The following GABBR2 variants were observed in gnomAD, a reference collection of about 807,000 sequenced individuals.
The protein encoded by GABBR2 is gamma-aminobutyric acid type B receptor subunit 2.
GABBR2 carries 23 observed loss-of-function variants against 105.6 expected under a neutral mutation model. The ratio of observed to expected loss-of-function variants is 0.22; its 90% CI spans 0.16 to 0.31. The LOEUF (loss-of-function observed/expected upper bound fraction) is 0.31. GABBR2 is among the 10% of genes least tolerant of loss of function. The pLI is 1.00. For missense variants in GABBR2, 734 were observed against 1,245.5 expected, an observed-to-expected ratio of 0.59 and a Z score of 6.18; for synonymous variants, 478 against 499.7, an observed-to-expected ratio of 0.96 and a Z score of 0.58.
chr9:98,479,598 C>G (rs940807113), intron 5 of GABBR2, among the ~76,000 whole-genome samples: 2 of 152,248 alleles, frequency 1.3e-5, no homozygotes, highest in Admixed American at 1.3e-4. Flanking sequence ...AATAACCACA[C>G]GTGACCACGG....
chr9:98,398,347 A>G (rs1832331751), intron 8 of GABBR2, among the ~76,000 whole-genome samples: 1 of 151,048 alleles, frequency 6.6e-6, no homozygotes. Flanking sequence ...TCAGGCATAG[A>G]AAAGAGCTCT....
chr9:98,415,475 G>A (rs1468292557), intron 7 of GABBR2, among the ~76,000 whole-genome samples: 1 of 152,180 alleles, frequency 6.6e-6, no homozygotes, highest in African/African-American at 2.4e-5. Context: ...AACAAAGAGA[G>A]CAATGAACAA....
chr9:98,418,731 G>A lies in GABBR2; in HGVS notation c.1237-12590C>T, dbSNP rs73655444. On this transcript the variant is annotated intron_variant, in intron 7 of 18. Transcript: ENST00000259455. ...TCTGGTTTGGGCAGACAGATGGAGG[G>A]TGATGCCTACAGAGTTGGCAGAGGA... is the stretch of plus-strand genomic sequence containing the variant. Among the ~76,000 whole-genome samples, 1,132 of 152,320 alleles carry A rather than the reference G, an allele frequency of 7.4e-3. 14 individuals carry two copies. Among genetic ancestry groups the A allele is most frequent in the African/African-American group, 0.026 (1,073 of 41,556 alleles).
In GABBR2 at chr9:98,708,674, G is replaced by T. The variant is rs2131893180; in HGVS notation, c.64C>A (p.Arg22Ser). 1.7e-6 allele frequency: 2 copies of T among 1,150,654 alleles called. No individual in the cohort carries two copies. Among genetic ancestry groups the T allele is most frequent in the Non-Finnish European group, 2.1e-6 (2 of 936,380 alleles). The allele number at this position is 1,150,654 out of a possible 1,614,324, so 71.3% of individuals were successfully genotyped here. The change falls in exon 1 of 19, where the codon CGC becomes AGC. Residue 22 changes from arginine (R) to serine (S), a missense_variant. Physicochemically the swap from Arg to Ser is moderately radical, Grantham distance 110 (BLOSUM62 -1). This residue lies in a region of GABBR2 where 70 missense variants were observed against 73.4 expected (regional missense o/e 0.95). Transcript: ENST00000259455. ...PPPPPPPPPA[R>S]LLLLLLLPLL... ...GGCAGCAGCAGTAGCAGTAGCAGGC[G>T]CGCGGGCGGCGGTGGCGGCGGCGGC...
At chr9:98,575,723 C>G (rs1343888194) in intron 2 of GABBR2, among the ~76,000 whole-genome samples, 1 of 152,204 alleles carries the variant, frequency 6.6e-6, no homozygotes, top group Non-Finnish European at 1.5e-5. Context: ...CCACGGCACA[C>G]TGAGCCATGC....
chr9:98,450,130 T>A (rs1185375012), intron 7 of GABBR2, among the ~76,000 whole-genome samples: 1 of 152,230 alleles, frequency 6.6e-6, no homozygotes, highest in East Asian at 1.9e-4. Context: ...TTAAACGATT[T>A]CCCATATAGT....
chr9:98,489,924 C>A (rs566528160), intron 4 of GABBR2, among the ~76,000 whole-genome samples: 5 of 152,330 alleles, frequency 3.3e-5, no homozygotes, highest in Admixed American at 2.0e-4. Context: ...AAAACACCAT[C>A]TCTACTAAAA....
chr9:98,311,313 CTG>C, intron 13 of GABBR2, 108 bp from the exon 14 acceptor site: 1 of 679,326 alleles, frequency 1.5e-6, no homozygotes, highest in Non-Finnish European at 2.6e-6. Context: ...GCCAATGCCA[CTG>C]TTCAGCAGGC....
At chr9:98,697,210 C>T (rs1389066282) in intron 1 of GABBR2, among the ~76,000 whole-genome samples, 3 of 151,922 alleles carry the variant, frequency 2.0e-5, no homozygotes. Flanking sequence ...GAGCAAGGAC[C>T]GCCGGGCGCG....
chr9:98,369,990 C>G (rs1831749935), intron 12 of GABBR2, among the ~76,000 whole-genome samples: 1 of 152,150 alleles, frequency 6.6e-6, no homozygotes, highest in African/African-American at 2.4e-5. Context: ...GTCTTTGCAG[C>G]CTGGGGGACC....
intron 13 of GABBR2, among the ~76,000 whole-genome samples, chr9:98,332,069 T>C (rs1219081079): frequency 6.6e-6 from 1 of 152,094 alleles, no homozygotes; most frequent in Non-Finnish European, 1.5e-5. Context: ...CAGCATGGGG[T>C]ATGAAGGAGC....
chr9:98,300,315 C>T (rs189437770), intron 16 of GABBR2, among the ~76,000 whole-genome samples: 3 of 151,884 alleles, frequency 2.0e-5, no homozygotes, highest in East Asian at 1.9e-4. Context: ...GTCATCCCCA[C>T]GTTTTTATTT....
intron 11 of GABBR2, among the ~76,000 whole-genome samples, chr9:98,376,839 G>A (rs758052891): frequency 6.6e-6 from 1 of 152,154 alleles, no homozygotes; most frequent in Non-Finnish European, 1.5e-5. Flanking sequence ...TTTGGAACCC[G>A]AGTCAGGGCC....
rs539837952 is a variant in GABBR2 at position 98,708,401 on chromosome 9, G to T, written c.321+16C>A. 51 of 1,381,342 alleles carry T rather than the reference G, an allele frequency of 3.7e-5. No homozygotes were observed. Among genetic ancestry groups the T allele is most frequent in the Admixed American group, 4.8e-5 (2 of 41,318 alleles). 85.6% of individuals were successfully genotyped at this position (1,381,342 alleles called of 1,614,324 possible). ...GCCCCCCGAAGCCCCGACGGCAGGG[G>T]CAGCCGGACACTCACCTCCGTGTCA... On this transcript the variant is annotated intron_variant, in intron 1 of 18. Transcript: ENST00000259455.
At chr9:98,436,389 A>AC (rs1825924259) in intron 7 of GABBR2, among the ~76,000 whole-genome samples, 1 of 43,066 alleles carries the variant, frequency 2.3e-5, no homozygotes, top group African/African-American at 7.8e-5. Context: ...ATATATATAT[A>AC]TATATATATA....
chr9:98,369,494 T>C (rs1831740896), intron 12 of GABBR2, among the ~76,000 whole-genome samples: 1 of 152,188 alleles, frequency 6.6e-6, no homozygotes, highest in South Asian at 2.1e-4. Context: ...ACTATGTTAA[T>C]GTGTCCACAT....
intron 2 of GABBR2, among the ~76,000 whole-genome samples, chr9:98,560,699 T>C (rs1828661700): frequency 6.7e-6 from 1 of 150,002 alleles, no homozygotes; most frequent in African/African-American, 2.4e-5. Flanking sequence ...AGATTCACCA[T>C]TTTCCACATC....
intron 1 of GABBR2, among the ~76,000 whole-genome samples, chr9:98,643,151 A>G (rs1323560840): frequency 6.6e-6 from 1 of 152,236 alleles, no homozygotes; most frequent in East Asian, 1.9e-4. Flanking sequence ...GGGCAACTGC[A>G]GTTCCCACTG....
chr9:98,687,654 C>G (rs1830635982), intron 1 of GABBR2, among the ~76,000 whole-genome samples: 2 of 152,142 alleles, frequency 1.3e-5, no homozygotes, highest in South Asian at 4.1e-4. Flanking sequence ...TTCTCCAGCT[C>G]CTGACTCTGA....
Sources: gnomAD v4.1 joint callset for allele counts (sites outside exome capture counted in the v4.1 genomes callset) on GRCh38, gnomAD v4.1.1 for gene constraint, gnomAD v4.1.1 regional missense constraint, MANE v1.5 for transcripts, NCBI Gene and HGNC (gene_info 2026-07-23, HGNC 2026-07-21) for gene names.